PRKN: variants seen among roughly 807,000 people sequenced by gnomAD.
PRKN encodes the protein E3 ubiquitin-protein ligase parkin.
A neutral mutation model predicts 59.5 loss-of-function variants in PRKN; 56 were observed. That is an observed-to-expected ratio of 0.94 (90% CI 0.76 to 1.18). The LOEUF (loss-of-function observed/expected upper bound fraction) is 1.18. PRKN is among the 50% of genes most tolerant of loss of function. The pLI, the probability that PRKN is intolerant of heterozygous loss-of-function variation, is 0.00. For missense variants in PRKN, 657 were observed against 596.4 expected (o/e 1.10, Z -1.06); for synonymous variants, 250 against 222.1 (o/e 1.13, Z -1.12).
At chr6:162,093,470 T>G (rs12663550) in intron 4 of PRKN, among the ~76,000 whole-genome samples, 33,850 of 152,016 alleles carry the variant, frequency 0.22, 4,178 homozygotes, top group East Asian at 0.57. Flanking sequence ...CTTTTCTCTT[T>G]AACACCTTGC....
chr6:161,755,847 G>T (rs1234180004), intron 7 of PRKN, among the ~76,000 whole-genome samples: 2 of 152,116 alleles, frequency 1.3e-5, no homozygotes, highest in Non-Finnish European at 2.9e-5. Flanking sequence ...TATCAAGCAG[G>T]TGAGTGGGAA....
intron 9 of PRKN, among the ~76,000 whole-genome samples, chr6:161,514,090 C>T (rs891765027): frequency 6.6e-6 from 1 of 151,350 alleles, no homozygotes; most frequent in Non-Finnish European, 1.5e-5. Context: ...TAGTATATTT[C>T]CTGGTGCAAC....
At chr6:161,724,943 T>C (rs1488508302) in intron 7 of PRKN, among the ~76,000 whole-genome samples, 1 of 152,064 alleles carries the variant, frequency 6.6e-6, no homozygotes, top group Non-Finnish European at 1.5e-5. Flanking sequence ...AGTGAGTGAG[T>C]TCTCATAAGA....
At chr6:162,390,480 C>T (rs944981763) in intron 2 of PRKN, among the ~76,000 whole-genome samples, 69 of 150,988 alleles carry the variant, frequency 4.6e-4, no homozygotes, top group African/African-American at 1.6e-3. Flanking sequence ...CTCGTTCTGT[C>T]ACCCAGTCTG....
At chr6:161,897,984 A>AAAAAAAAAAG (rs1554244227) in intron 6 of PRKN, among the ~76,000 whole-genome samples, 1 of 117,614 alleles carries the variant, frequency 8.5e-6, no homozygotes, top group Admixed American at 8.3e-5. Context: ...AAAAAAAAAA[A>AAAAAAAAAAG]GTCTCCCAGT....
chr6:161,680,133 C>T (rs1329809793), intron 7 of PRKN, among the ~76,000 whole-genome samples: 6 of 152,108 alleles, frequency 3.9e-5, no homozygotes, highest in Non-Finnish European at 8.8e-5. Context: ...ATTCATTGTG[C>T]TATTCTAAAT....
chr6:161,392,504 C>CCTCTCT (rs67425763), intron 9 of PRKN, among the ~76,000 whole-genome samples: 6 of 145,306 alleles, frequency 4.1e-5, no homozygotes, highest in Non-Finnish European at 6.1e-5. Flanking sequence ...ATAGTTCAAA[C>CCTCTCT]CTCTCTCTCT....
intron 5 of PRKN, among the ~76,000 whole-genome samples, chr6:162,003,811 A>T (rs909881329): frequency 6.6e-6 from 1 of 152,166 alleles, no homozygotes; most frequent in African/African-American, 2.4e-5. Context: ...ATAAAAGTCA[A>T]TTAGGTCCTG....
intron 7 of PRKN, among the ~76,000 whole-genome samples, chr6:161,758,802 A>C (rs1381525740): frequency 6.6e-6 from 1 of 152,234 alleles, no homozygotes; most frequent in Non-Finnish European, 1.5e-5. Context: ...CTTGAAATTC[A>C]GTCTCAGGTC....
At position 162,341,836 on chromosome 6, in the gene PRKN, C is replaced by T. The variant is rs552632728; in HGVS notation, c.172-79071G>A. 4.0e-5 allele frequency among the ~76,000 whole-genome samples: 6 copies of T among 151,826 alleles called. No homozygotes were observed. In the South Asian group the frequency reaches 1.3e-3, roughly 32 times the overall value. ...TGGATTGATGGGTGCAGGAAACCAC[C>T]ATGGCATGTGTATACCTATGTAACA... On this transcript the variant is annotated intron_variant, in intron 2 of 11. Coordinates refer to ENST00000366898, the MANE Select transcript of PRKN (RefSeq NM_004562.3).
At chr6:162,127,633 G>A (rs150656236) in intron 4 of PRKN, among the ~76,000 whole-genome samples, 145 of 152,228 alleles carry the variant, frequency 9.5e-4, no homozygotes, top group African/African-American at 3.0e-3. Flanking sequence ...AATGTGCATC[G>A]TTGAGTCATA....
At chr6:162,614,591 T>C (rs1782325013) in intron 1 of PRKN, among the ~76,000 whole-genome samples, 1 of 152,206 alleles carries the variant, frequency 6.6e-6, no homozygotes, top group Admixed American at 6.5e-5. Flanking sequence ...AAAATATTTT[T>C]AAGGATGCCC....
At chr6:161,453,715 ATCCCTCCCTCCCTCCC>A (rs1169181825) in intron 9 of PRKN, among the ~76,000 whole-genome samples, 1 of 135,804 alleles carries the variant, frequency 7.4e-6, no homozygotes. Flanking sequence ...CGGTCGGTCC[ATCCCTCCCTCCCTCCC>A]TCCCTCCCTT....
In PRKN at chr6:161,575,247, A is replaced by G; in HGVS notation, c.872-5831T>C. ...ACTGCGAAACTGGGCTCTATATTTC[A>G]ATTAGTATCTGTAATCAACATTTAC... On this transcript the variant is annotated intron_variant, in intron 7 of 11. Coordinates refer to ENST00000366898, the MANE Select transcript of PRKN (RefSeq NM_004562.3). The surrounding 1 kb of genome is among the most constrained non-coding windows in gnomAD (Gnocchi z 4.6). Among the ~76,000 whole-genome samples, 1 of 152,192 alleles carries G rather than the reference A, an allele frequency of 6.6e-6. No individual in the cohort carries two copies. The highest frequency in any genetic ancestry group is 1.9e-4 in the East Asian group (1 of 5,200).
intron 7 of PRKN, among the ~76,000 whole-genome samples, chr6:161,656,884 C>A (rs770632924): frequency 2.0e-4 from 30 of 152,214 alleles, no homozygotes; most frequent in Non-Finnish European, 7.3e-5. Context: ...CTAAGGAAAT[C>A]ATATAATACT....
intron 1 of PRKN, among the ~76,000 whole-genome samples, chr6:162,491,223 T>C (rs749921009): frequency 6.7e-6 from 1 of 149,822 alleles, no homozygotes; most frequent in African/African-American, 2.5e-5. Flanking sequence ...TGAGCTGAGA[T>C]TGCACCACTG....
At position 161,483,845 on chromosome 6, in the gene PRKN, C is replaced by A. The variant is rs1339596262; in HGVS notation, c.1083+65009G>T. Reference sequence around the variant, plus strand: ...TATATATCATGGAATACTATGCAACCATAAAAAGGAACAAGACCATATCCT... The same window carrying A: ...TATATATCATGGAATACTATGCAACAATAAAAAGGAACAAGACCATATCCT... On this transcript the variant is annotated intron_variant, in intron 9 of 11. Coordinates refer to ENST00000366898, the MANE Select transcript of PRKN (RefSeq NM_004562.3). The surrounding 1 kb of genome is among the most constrained non-coding windows in gnomAD (Gnocchi z 5.0). Among the ~76,000 whole-genome samples the A allele has an allele frequency of 6.6e-6, 1 of 152,092 alleles. No individual in the cohort carries two copies. Among genetic ancestry groups the A allele is most frequent in the Non-Finnish European group, 1.5e-5 (1 of 68,016 alleles).
At chr6:162,571,852 C>A (rs1354311193) in intron 1 of PRKN, among the ~76,000 whole-genome samples, 2 of 152,128 alleles carry the variant, frequency 1.3e-5, no homozygotes, top group African/African-American at 4.8e-5. Flanking sequence ...AGTAACTGCA[C>A]TATCAATAAA....
At chr6:161,539,972 T>A (rs904528794) in intron 9 of PRKN, among the ~76,000 whole-genome samples, 3 of 152,150 alleles carry the variant, frequency 2.0e-5, no homozygotes, top group African/African-American at 7.2e-5. Flanking sequence ...TATGGAAAAG[T>A]GGATCGTTTC....
Sources: allele counts gnomAD v4.1 joint callset (sites outside exome capture counted in the v4.1 genomes callset), GRCh38; gene constraint gnomAD v4.1.1; non-coding constraint Gnocchi (gnomAD v3.1); transcripts MANE v1.5; gene names NCBI Gene and HGNC (gene_info 2026-07-23, HGNC 2026-07-21).